Variants in CNTRL observed in about 807,000 individuals in gnomAD.
CNTRL encodes the protein 110 kDa centrosomal protein.
Under a neutral mutation model 303.7 loss-of-function variants are expected in CNTRL, and 233 were observed. The observed-to-expected ratio is 0.77, with a 90% CI of 0.69 to 0.86. CNTRL has a LOEUF of 0.86. Among genes scored for constraint, CNTRL ranks in the 40% least tolerant of loss-of-function variants. The probability of loss-of-function intolerance (pLI) is 0.00; values close to 1 mark genes in which losing one functional copy is unlikely to be tolerated. For synonymous variants in CNTRL, 900 were observed against 922.2 expected (o/e 0.98, Z 0.44); for missense variants, 2,524 against 2,650.6 (o/e 0.95, Z 1.05).
At chr9:121,135,638 A>G (rs2051145851) in intron 14 of CNTRL, among the ~76,000 whole-genome samples, 168 bp from the exon 15 acceptor site, 3 of 152,340 alleles carry the variant, frequency 2.0e-5, no homozygotes, top group South Asian at 4.1e-4. Context: ...TTTTCCAACC[A>G]GGATATGCAC....
intron 23 of CNTRL, among the ~76,000 whole-genome samples, chr9:121,146,955 G>C (rs1280019507): frequency 6.6e-6 from 1 of 152,182 alleles, no homozygotes; most frequent in African/African-American, 2.4e-5. Flanking sequence ...AGGGTTTATA[G>C]GAACAGTGTC....
At position 121,173,456 on chromosome 9, in the gene CNTRL, A is replaced by G; in HGVS notation, c.6631A>G (p.Met2211Val). The change falls in exon 41 of 44, where the codon ATG becomes GTG. Residue 2211 changes from methionine (M) to valine (V), a missense_variant. Met to Val is a conservative substitution (Grantham distance 21). Transcript: ENST00000373855. ...ESLKENLPFT[M>V]NEGPFEEKLN... ...CTTGAAAGAGAACCTTCCATTTACC[A>G]TGAATGAGGGACCTTTTGAAGAAAA... 2 of 1,613,924 alleles carry G rather than the reference A, an allele frequency of 1.2e-6. No individual in the cohort carries two copies. The highest frequency in any genetic ancestry group is 2.2e-5 in the East Asian group (1 of 44,888).
At chr9:121,144,651 C>G (rs1425767176) in intron 20 of CNTRL, among the ~76,000 whole-genome samples, 192 bp from the exon 21 acceptor site, 1 of 152,146 alleles carries the variant, frequency 6.6e-6, no homozygotes, top group Non-Finnish European at 1.5e-5. Context: ...TGATGCCGCA[C>G]CTTGGGGTTG....
At chr9:121,153,668 G>C (rs532475199) in intron 26 of CNTRL, among the ~76,000 whole-genome samples, 1 of 152,310 alleles carries the variant, frequency 6.6e-6, no homozygotes, top group Admixed American at 6.5e-5. Context: ...AGTGAATGCA[G>C]CATCTGTTGA....
intron 11 of CNTRL, among the ~76,000 whole-genome samples, chr9:121,117,221 A>G (rs545934126): frequency 6.6e-5 from 10 of 152,208 alleles, no homozygotes; most frequent in Non-Finnish European, 1.5e-4. Flanking sequence ...GTATTTTGAA[A>G]TTATTTAGTA....
At position 121,118,471 on chromosome 9, in the gene CNTRL, C is replaced by G; in HGVS notation, c.1581C>G (p.Ala527=). 6.2e-7 allele frequency: 1 copy of G among 1,611,534 alleles called. No individual in the cohort carries two copies. The highest frequency in any genetic ancestry group is 8.5e-7 in the Non-Finnish European group (1 of 1,178,340). ...LQMEKQKQEI[A]GKQKEIKDLQ... ...TGGAAAAGCAAAAGCAGGAAATTGC[C>G]GGAAAGCAGAAGGAGATTAAGGACC... The change falls in exon 12 of 44, where the codon GCC becomes GCG. Residue 527 remains alanine (A), a synonymous_variant. Transcript: ENST00000373855.
intron 4 of CNTRL, among the ~76,000 whole-genome samples, chr9:121,091,463 G>C (rs1456770545): frequency 6.6e-6 from 1 of 152,062 alleles, no homozygotes; most frequent in Non-Finnish European, 1.5e-5. Flanking sequence ...ACTAACCCTA[G>C]TACCACAAAG....
chr9:121,104,393 G>C (rs2049348609), intron 7 of CNTRL, among the ~76,000 whole-genome samples: 1 of 152,162 alleles, frequency 6.6e-6, no homozygotes, highest in African/African-American at 2.4e-5. Context: ...GGCTAGAGGG[G>C]AGGGATAGCA....
rs753815923 is a variant in CNTRL, at chr9:121,159,020, G to T, written c.4929+1G>T. On this transcript the variant is annotated splice_donor_variant, in intron 31 of 43. Coordinates refer to ENST00000373855, the MANE Select transcript of CNTRL (RefSeq NM_007018.6). LOFTEE classifies it high-confidence loss of function. ...AACTGAGAAGTGCAATCACATTAGG[G>T]TGTGTTTTTTATTAGGGTTTTCTGA... The T allele has an allele frequency of 6.2e-7, 1 of 1,613,232 alleles. No homozygotes were observed.
intron 42 of CNTRL, 116 bp from the exon 43 acceptor site, chr9:121,174,902 T>G: frequency 1.2e-6 from 1 of 864,970 alleles, no homozygotes; most frequent in East Asian, 2.4e-5. Flanking sequence ...TGAGCATTTT[T>G]GACAGCCATT....
At chr9:121,145,879 G>A (rs1030831393) in intron 22 of CNTRL, among the ~76,000 whole-genome samples, 1 of 152,132 alleles carries the variant, frequency 6.6e-6, no homozygotes, top group African/African-American at 2.4e-5. Context: ...ACTGGATGAC[G>A]GAGTGAGACT....
At chr9:121,141,997 G>T in intron 18 of CNTRL, 94 bp from the exon 19 acceptor site, 2 of 1,013,108 alleles carry the variant, frequency 2.0e-6, no homozygotes, top group Non-Finnish European at 2.8e-6. Flanking sequence ...GTTACAGCCT[G>T]TTGTAAAATG....
In CNTRL at chr9:121,158,924, C is replaced by G. The variant is rs758186527; in HGVS notation, c.4834C>G (p.Leu1612Val). Residue 1612 changes from leucine to valine, a missense_variant, in exon 31 of 44, where the codon CTA (leucine) becomes GTA (valine). By Grantham distance (32) the Leu-to-Val change is conservative (BLOSUM62 1). Transcript: ENST00000373855. The stretch of plus-strand genomic sequence containing the variant: ...AGGGCATAAAAAGGAGGAGCTGCAT[C>G]TACTCCAAGGAAGCATGGTCCAGGC... ...QLGHKKEELHLLQGSMVQAKA... is the reference protein window; with the variant it reads ...QLGHKKEELHVLQGSMVQAKA... The G allele has an allele frequency of 1.2e-6, 2 of 1,614,158 alleles. No individual in the cohort carries two copies. The highest frequency in any genetic ancestry group is 4.5e-5 in the East Asian group (2 of 44,882).
chr9:121,157,872 G>T lies in CNTRL; in HGVS notation c.4629G>T (p.Leu1543=). The change falls in exon 29 of 44, where the codon CTG becomes CTT. Residue 1543 remains leucine (L), a synonymous_variant. Transcript: ENST00000373855. ...GTTTAAGCAAGAAGAAGGAAAAACTGACAGAAGAGTAAGTAAGGCCTCTGT... is the reference window on the plus strand; with the variant it reads ...GTTTAAGCAAGAAGAAGGAAAAACTTACAGAAGAGTAAGTAAGGCCTCTGT... ...FQCLSKKKEK[L]TEELQKLQKD... is the part of the protein sequence containing the mutation. The T allele has an allele frequency of 1.2e-6, 2 of 1,614,006 alleles. No homozygotes were observed. The highest frequency in any genetic ancestry group is 1.3e-5 in the African/African-American group (1 of 74,984).
intron 1 of CNTRL, among the ~76,000 whole-genome samples, chr9:121,078,214 C>T (rs2048003455): frequency 6.6e-6 from 1 of 152,090 alleles, no homozygotes; most frequent in African/African-American, 2.4e-5. Context: ...TGAGACCAGC[C>T]TGGCCAGCAT....
At chr9:121,135,711 ATTTGG>A (rs2051149911) in intron 14 of CNTRL, 90 bp from the exon 15 acceptor site, 1 of 1,149,490 alleles carries the variant, frequency 8.7e-7, no homozygotes, top group African/African-American at 1.5e-5. Context: ...GCTGGCCAGC[ATTTGG>A]TTTACAGTGC....
In CNTRL at chr9:121,177,292, G is replaced by A; in HGVS notation, c.*106G>A. The A allele has an allele frequency of 1.0e-6, 1 of 957,294 alleles. No individual in the cohort carries two copies. Among genetic ancestry groups the A allele is most frequent in the Non-Finnish European group, 1.6e-6 (1 of 609,010 alleles). The allele number at this position is 957,294 out of a possible 1,614,324, so 59.3% of individuals were successfully genotyped here. A position where few individuals can be genotyped will look rare whatever the true frequency, so the allele number is the denominator to read the frequency against. ...TTTTTTAATCAAGATGCAGTGAACT[G>A]AGATTCTGAAACTCCACTGTAGTTT... On this transcript the variant is annotated 3_prime_UTR_variant, in exon 44 of 44. Transcript: ENST00000373855.
At chr9:121,141,665 C>T (rs1564263649) in intron 18 of CNTRL, 77 bp downstream of exon 18, 20 of 1,278,200 alleles carry the variant, frequency 1.6e-5, no homozygotes, top group Admixed American at 1.2e-4. Flanking sequence ...ACAATGCTTC[C>T]TTTGTCATGT....
chr9:121,100,408 G>A (rs140484404), intron 7 of CNTRL, among the ~76,000 whole-genome samples: 12,316 of 152,192 alleles, frequency 0.081, 548 homozygotes, highest in Non-Finnish European at 0.11. Context: ...CCTGAAGGAA[G>A]CACTAAACAT....
Sources: gnomAD v4.1 joint callset for allele counts (sites outside exome capture counted in the v4.1 genomes callset) on GRCh38, gnomAD v4.1.1 for gene constraint, MANE v1.5 for transcripts, NCBI Gene and HGNC (gene_info 2026-07-23, HGNC 2026-07-21) for gene names.